The following RARB variants were observed in gnomAD, a reference collection of about 807,000 sequenced individuals.
RARB encodes the protein HBV-activated protein.
RARB carries 17 observed loss-of-function variants against 51.9 expected under a neutral mutation model. That is an observed-to-expected ratio of 0.33 (90% CI 0.22 to 0.49). The LOEUF is 0.49. Among genes scored for constraint, RARB ranks in the 20% least tolerant of loss-of-function variants. The pLI is 0.99. For synonymous variants in RARB, 215 were observed against 195.4 expected, an observed-to-expected ratio of 1.10 and a Z score of -0.84; for missense variants, 369 against 550.8, an observed-to-expected ratio of 0.67 and a Z score of 3.30.
chr3:25,513,718 C>T (rs1698022741), intron 3 of RARB, among the ~76,000 whole-genome samples: 1 of 142,628 alleles, frequency 7.0e-6, no homozygotes, highest in South Asian at 2.1e-4. Context: ...TTAAGGTGCA[C>T]TATTATTTTG....
intron 2 of RARB, among the ~76,000 whole-genome samples, chr3:25,491,205 T>C (rs1289010114): frequency 6.6e-6 from 1 of 152,158 alleles, no homozygotes; most frequent in East Asian, 1.9e-4. Flanking sequence ...ATGTGTGCTG[T>C]TTCGAAGGAA....
intron 2 of RARB, among the ~76,000 whole-genome samples, chr3:25,037,474 C>T (rs1206165816): frequency 9.9e-5 from 15 of 151,954 alleles, no homozygotes; most frequent in Admixed American, 7.9e-4. Flanking sequence ...CCTCAGACAC[C>T]AGGAAGCTGC....
intron 3 of RARB, among the ~76,000 whole-genome samples, chr3:25,093,704 G>T (rs556052816): frequency 7.3e-5 from 11 of 150,714 alleles, no homozygotes; most frequent in African/African-American, 2.0e-4. Context: ...TCTTTACGGG[G>T]TTTTTTTTTG....
chr3:25,450,425 T>C (rs150020505), intron 1 of RARB, among the ~76,000 whole-genome samples: 44 of 152,306 alleles, frequency 2.9e-4, no homozygotes, highest in Non-Finnish European at 5.0e-4. Flanking sequence ...TCAGGAAGGA[T>C]AAGTGACTGC....
In RARB at chr3:25,017,378, TA is replaced by T. The variant is rs531591035; in HGVS notation, c.-379-42736del. Among the ~76,000 whole-genome samples, 297 of 147,328 alleles carry T rather than the reference TA, an allele frequency of 2.0e-3. 2 individuals are homozygous for T. Among genetic ancestry groups the T allele is most frequent in the South Asian group, 6.1e-3 (28 of 4,620 alleles). ...TTTAAACAAGTCAGTTCATCATGTT[TA>T]AAAAAAAAAAGATTAAAGAAGATTT... On this transcript the variant is annotated intron_variant, in intron 2 of 11. Transcript: ENST00000383772.
intron 2 of RARB, among the ~76,000 whole-genome samples, chr3:24,865,775 C>A (rs1702836120): frequency 6.6e-6 from 1 of 152,168 alleles, no homozygotes; most frequent in African/African-American, 2.4e-5. Flanking sequence ...TGTGGTCTTA[C>A]TGAATATTGT....
intron 5 of RARB, among the ~76,000 whole-genome samples, chr3:25,230,167 A>T (rs1362614857): frequency 6.6e-6 from 1 of 152,158 alleles, no homozygotes; most frequent in African/African-American, 2.4e-5. Flanking sequence ...ATAGAAACAC[A>T]TTCTAAAAAT....
At chr3:25,480,851 C>G (rs1007021117) in intron 2 of RARB, among the ~76,000 whole-genome samples, 1 of 152,040 alleles carries the variant, frequency 6.6e-6, no homozygotes, top group Admixed American at 6.6e-5. Context: ...TACTGCATGC[C>G]TCAATGGAGT....
chr3:25,031,828 T>A (rs1177012523), intron 2 of RARB, among the ~76,000 whole-genome samples: 3 of 152,162 alleles, frequency 2.0e-5, no homozygotes, highest in Non-Finnish European at 4.4e-5. Context: ...AACCAGTTAC[T>A]CCAGTTTTAG....
intron 5 of RARB, among the ~76,000 whole-genome samples, chr3:25,356,733 C>T (rs887209535): frequency 6.6e-6 from 1 of 152,074 alleles, no homozygotes; most frequent in African/African-American, 2.4e-5. Flanking sequence ...TCTCATTGTT[C>T]AACTCCTAAT....
intron 5 of RARB, among the ~76,000 whole-genome samples, chr3:25,407,801 T>A (rs546015544): frequency 6.6e-6 from 1 of 151,806 alleles, no homozygotes; most frequent in Non-Finnish European, 1.5e-5. Flanking sequence ...TTGATCCTCA[T>A]GCAGCATAAG....
intron 2 of RARB, among the ~76,000 whole-genome samples, chr3:24,992,025 C>T (rs1327545174): frequency 1.3e-5 from 2 of 152,122 alleles, no homozygotes; most frequent in Non-Finnish European, 2.9e-5. Context: ...GTTTGGCTCT[C>T]CTTATACCAG....
chr3:25,562,078 C>A (rs775388992), intron 3 of RARB, among the ~76,000 whole-genome samples: 3 of 152,152 alleles, frequency 2.0e-5, no homozygotes, highest in Non-Finnish European at 2.9e-5. Context: ...GATTCCTGAA[C>A]CTTAGACTGT....
intron 3 of RARB, among the ~76,000 whole-genome samples, chr3:25,085,281 C>A (rs1345349590): frequency 6.6e-6 from 1 of 152,100 alleles, no homozygotes; most frequent in Non-Finnish European, 1.5e-5. Context: ...GGTAACACAT[C>A]CTACATTGAA....
chr3:25,103,462 TCTTATTCC>T (rs1699441803), intron 3 of RARB, among the ~76,000 whole-genome samples: 1 of 152,166 alleles, frequency 6.6e-6, no homozygotes, highest in Admixed American at 6.5e-5. Flanking sequence ...GGAGGAAAAA[TCTTATTCC>T]TTTGATGACT....
At chr3:24,868,964 G>A (rs544278300) in intron 2 of RARB, among the ~76,000 whole-genome samples, 162 of 152,160 alleles carry the variant, frequency 1.1e-3, no homozygotes, top group African/African-American at 3.8e-3. Flanking sequence ...ACCACCTTGG[G>A]CACATGTTCT....
At chr3:25,405,716 C>T (rs992112394) in intron 5 of RARB, among the ~76,000 whole-genome samples, 1 of 152,206 alleles carries the variant, frequency 6.6e-6, no homozygotes, top group Non-Finnish European at 1.5e-5. Context: ...TGTTCAGTAG[C>T]TGCATGTGGC....
intron 2 of RARB, among the ~76,000 whole-genome samples, chr3:25,473,911 T>A (rs1211115264): frequency 4.9e-5 from 1 of 20,284 alleles, no homozygotes; most frequent in Admixed American, 6.5e-4. Flanking sequence ...GTATTTTCTA[T>A]GTCTGGCAGG....
rs551556381 is a variant in RARB at position 25,392,016 on chromosome 3, C to T, written c.179-69177C>T. 4.6e-5 allele frequency among the ~76,000 whole-genome samples: 7 copies of T among 152,092 alleles called. No individual in the cohort carries two copies. In the South Asian group the frequency reaches 6.2e-4, roughly 14 times the overall value. ...TGATGTTATCTTCTAGAATTTTTAT[C>T]GTTCCAGGTCTTAGATTTAAGTCCT... On this transcript the variant is annotated intron_variant, in intron 5 of 11. Transcript: ENST00000383772.
Sources: allele counts gnomAD v4.1 joint callset (sites outside exome capture counted in the v4.1 genomes callset), GRCh38; gene constraint gnomAD v4.1.1; transcripts MANE v1.5; gene names NCBI Gene and HGNC (gene_info 2026-07-23, HGNC 2026-07-21).